The following CSMD1 variants were observed in gnomAD, a reference collection of about 807,000 sequenced individuals.
The protein encoded by CSMD1 is CUB and sushi domain-containing protein 1.
A neutral mutation model predicts 417.5 loss-of-function variants in CSMD1; 213 were observed. The observed-to-expected ratio is 0.51, with a 90% CI of 0.46 to 0.57. The LOEUF is 0.57. Among genes scored for constraint, CSMD1 ranks in the 20% least tolerant of loss-of-function variants. CSMD1 has a pLI of 0.00. For synonymous variants in CSMD1, 2,862 were observed against 1,736.8 expected (o/e 1.65, Z -16.11); for missense variants, 6,923 against 4,529.7 (o/e 1.53, Z -15.17).
At chr8:3,129,981 A>C (rs1001746266) in intron 41 of CSMD1, among the ~76,000 whole-genome samples, 7 of 148,498 alleles carry the variant, frequency 4.7e-5, no homozygotes, top group East Asian at 3.9e-4. Flanking sequence ...ACTCTGTCCC[A>C]AAAAAAAAAG....
intron 2 of CSMD1, among the ~76,000 whole-genome samples, chr8:4,522,486 C>G (rs1477236184): frequency 6.6e-6 from 1 of 152,118 alleles, no homozygotes; most frequent in African/African-American, 2.4e-5. Context: ...TGGCAAGACA[C>G]AAAATGGATT....
intron 2 of CSMD1, among the ~76,000 whole-genome samples, chr8:4,549,190 A>G (rs971749735): frequency 6.6e-5 from 10 of 152,136 alleles, no homozygotes; most frequent in African/African-American, 2.4e-4. Context: ...AGCTGACTTG[A>G]TTTCTGGAAA....
At chr8:3,923,700 A>T (rs937917754) in intron 5 of CSMD1, among the ~76,000 whole-genome samples, 2 of 152,160 alleles carry the variant, frequency 1.3e-5, no homozygotes, top group Non-Finnish European at 2.9e-5. Context: ...ATGCTGTACA[A>T]TAAATCTCTA....
chr8:4,390,675 G>A (rs553093183), intron 3 of CSMD1, among the ~76,000 whole-genome samples: 19 of 151,796 alleles, frequency 1.3e-4, no homozygotes, highest in East Asian at 9.7e-4. Flanking sequence ...CACCACGCCC[G>A]GCTAATTTTT....
chr8:3,157,494 T>C (rs1011832981), intron 39 of CSMD1, among the ~76,000 whole-genome samples: 3 of 152,190 alleles, frequency 2.0e-5, no homozygotes, highest in African/African-American at 7.2e-5. Flanking sequence ...CAGTAATCTG[T>C]CATTCTGAAT....
intron 1 of CSMD1, among the ~76,000 whole-genome samples, chr8:4,898,806 A>G (rs1267230040): frequency 6.6e-6 from 1 of 152,166 alleles, no homozygotes; most frequent in African/African-American, 2.4e-5. Flanking sequence ...ATAAATATTT[A>G]TATTTTCTAT....
intron 6 of CSMD1, among the ~76,000 whole-genome samples, chr8:3,742,389 G>A (rs1292530903): frequency 6.6e-6 from 1 of 152,116 alleles, no homozygotes; most frequent in African/African-American, 2.4e-5. Context: ...AGAACTATAA[G>A]TAAAATTGTA....
intron 5 of CSMD1, among the ~76,000 whole-genome samples, chr8:3,887,155 C>T (rs1035413344): frequency 5.3e-5 from 8 of 152,042 alleles, no homozygotes; most frequent in African/African-American, 1.2e-4. Context: ...TGATGGCATG[C>T]GTAGAGGGTA....
chr8:3,355,390 A>G (rs1808713950), intron 21 of CSMD1, among the ~76,000 whole-genome samples: 1 of 152,162 alleles, frequency 6.6e-6, no homozygotes, highest in African/African-American at 2.4e-5. Flanking sequence ...TGATCTTTTG[A>G]CCAAAATGTC....
chr8:4,642,439 G>T (rs558984301), intron 1 of CSMD1, among the ~76,000 whole-genome samples: 2 of 152,170 alleles, frequency 1.3e-5, no homozygotes, highest in African/African-American at 2.4e-5. Context: ...AATTCGTGCT[G>T]CTGTATAGCA....
intron 5 of CSMD1, among the ~76,000 whole-genome samples, chr8:3,826,102 T>C (rs1399784870): frequency 2.0e-5 from 3 of 152,120 alleles, no homozygotes; most frequent in African/African-American, 7.2e-5. Context: ...TATGCTTCTG[T>C]AACAATAAAC....
Position 3,545,474 on chromosome 8 carries a change from G to A in CSMD1, c.1344+29471C>T, listed in dbSNP as rs184429488. Among the ~76,000 whole-genome samples, 13 of 152,272 alleles carry A rather than the reference G, an allele frequency of 8.5e-5. No individual in the cohort carries two copies. The East Asian group carries it at 2.3e-3, about 27-fold the overall frequency. On this transcript the variant is annotated intron_variant, in intron 10 of 69. Transcript: ENST00000635120. ...ACAGAAGGTAAATTTTCCAGGCCTA[G>A]GTCTACAGACAATTTTGAAGAGGTG...
intron 5 of CSMD1, among the ~76,000 whole-genome samples, chr8:3,857,550 G>C (rs1368613251): frequency 6.6e-6 from 1 of 152,184 alleles, no homozygotes; most frequent in Non-Finnish European, 1.5e-5. Context: ...GGAAATGGCA[G>C]AGTCGTCTTC....
chr8:4,945,097 A>G (rs115441296), intron 1 of CSMD1, among the ~76,000 whole-genome samples: 4,617 of 152,272 alleles, frequency 0.03, 222 homozygotes, highest in African/African-American at 0.11. Flanking sequence ...CATAGGCTAC[A>G]ACACAGATGG....
At chr8:2,991,441 A>C (rs1295603899) in intron 54 of CSMD1, among the ~76,000 whole-genome samples, 1 of 152,340 alleles carries the variant, frequency 6.6e-6, no homozygotes, top group East Asian at 1.9e-4. Context: ...ATATTCATCA[A>C]AATGAAACCA....
chr8:3,953,659 C>A (rs964905629), intron 5 of CSMD1, among the ~76,000 whole-genome samples: 2 of 152,036 alleles, frequency 1.3e-5, no homozygotes, highest in Non-Finnish European at 2.9e-5. Context: ...AACGCTGGGA[C>A]TGGGAGCCTG....
chr8:3,240,471 C>T (rs1265911093), intron 26 of CSMD1, among the ~76,000 whole-genome samples: 2 of 151,838 alleles, frequency 1.3e-5, no homozygotes, highest in African/African-American at 4.8e-5. Flanking sequence ...ATCAGCTGAA[C>T]ACGATTGGCA....
At chr8:3,226,302 G>C (rs1798498986) in intron 27 of CSMD1, among the ~76,000 whole-genome samples, 1 of 152,148 alleles carries the variant, frequency 6.6e-6, no homozygotes, top group Non-Finnish European at 1.5e-5. Context: ...GGAAGTTGAA[G>C]CCGAACGTGG....
At chr8:4,814,201 T>C (rs1799070063) in intron 1 of CSMD1, among the ~76,000 whole-genome samples, 1 of 150,412 alleles carries the variant, frequency 6.6e-6, no homozygotes, top group Non-Finnish European at 1.5e-5. Context: ...TGATTTTGTG[T>C]GTGTGTGTGT....
Sources: gnomAD v4.1 joint callset for allele counts (sites outside exome capture counted in the v4.1 genomes callset) on GRCh38, gnomAD v4.1.1 for gene constraint, MANE v1.5 for transcripts, NCBI Gene and HGNC (gene_info 2026-07-23, HGNC 2026-07-21) for gene names.